The following PAM variants were observed in gnomAD, a reference collection of about 807,000 sequenced individuals.
The protein encoded by PAM is peptidyl-glycine alpha-amidating monooxygenase.
PAM carries 72 observed loss-of-function variants against 122.1 expected under a neutral mutation model. The observed-to-expected ratio is 0.59, with a 90% confidence interval of 0.49 to 0.72. PAM has a LOEUF of 0.72. Ranked by LOEUF, PAM falls within the 30% of genes least tolerant of loss-of-function variation. The probability of loss-of-function intolerance (pLI) is 0.00; values close to 1 mark genes in which losing one functional copy is unlikely to be tolerated. For synonymous variants in PAM, 389 were observed against 404.4 expected, an observed-to-expected ratio of 0.96 and a Z score of 0.46; for missense variants, 1,106 against 1,183.7, an observed-to-expected ratio of 0.93 and a Z score of 0.96.
At chr5:102,994,761 T>C (rs1775161149) in intron 16 of PAM, among the ~76,000 whole-genome samples, 2 of 152,178 alleles carry the variant, frequency 1.3e-5, no homozygotes, top group South Asian at 4.1e-4. Flanking sequence ...CTTTATTACA[T>C]TTAGCATTGT....
At chr5:102,999,030 A>AAG in intron 16 of PAM, among the ~76,000 whole-genome samples, 1 of 152,344 alleles carries the variant, frequency 6.6e-6, no homozygotes, top group Non-Finnish European at 1.5e-5. Context: ...CGTCCTTCAC[A>AAG]TGATGGCAGG....
At chr5:102,850,250 G>A (rs1486291890) in intron 1 of PAM, among the ~76,000 whole-genome samples, 1 of 152,156 alleles carries the variant, frequency 6.6e-6, no homozygotes. Context: ...TCTGAACTGA[G>A]GATGTTTTTT....
At chr5:102,757,195 C>T (rs1424027965) in intron 1 of PAM, among the ~76,000 whole-genome samples, 1 of 152,136 alleles carries the variant, frequency 6.6e-6, no homozygotes, top group African/African-American at 2.4e-5. Context: ...GGCATAGTGG[C>T]AGGCACCTGT....
intron 1 of PAM, among the ~76,000 whole-genome samples, chr5:102,863,765 A>G (rs546160029): frequency 8.6e-5 from 13 of 151,322 alleles, no homozygotes; most frequent in African/African-American, 3.1e-4. Context: ...GAATTATAAA[A>G]AAAATAAAAT....
intron 1 of PAM, chr5:102,865,424 C>A (rs957049977): frequency 3.9e-5 from 6 of 152,082 alleles, no homozygotes; most frequent in African/African-American, 1.5e-4. Context: ...TTTTTCCTTG[C>A]GCCTTAGCCG....
At chr5:102,839,610 T>A (rs1778045023) in intron 1 of PAM, among the ~76,000 whole-genome samples, 1 of 151,954 alleles carries the variant, frequency 6.6e-6, no homozygotes, top group Non-Finnish European at 1.5e-5. Flanking sequence ...TTTCTGTCTT[T>A]AAATCACAGA....
intron 1 of PAM, among the ~76,000 whole-genome samples, chr5:102,778,751 C>T (rs1362519234): frequency 1.3e-5 from 2 of 152,034 alleles, no homozygotes; most frequent in South Asian, 2.1e-4. Flanking sequence ...ACCAAATGAA[C>T]GAAGCTTAGT....
At chr5:102,978,890 A>C (rs377465584) in intron 15 of PAM, among the ~76,000 whole-genome samples, 1 of 152,040 alleles carries the variant, frequency 6.6e-6, no homozygotes, top group African/African-American at 2.4e-5. Flanking sequence ...AGTGTTTTAG[A>C]TGCATTGATT....
intron 20 of PAM, among the ~76,000 whole-genome samples, chr5:103,008,747 C>T (rs976420150): frequency 2.6e-5 from 4 of 152,092 alleles, no homozygotes; most frequent in Non-Finnish European, 5.9e-5. Flanking sequence ...TCACAACTAT[C>T]ATTCTTTAGG....
intron 7 of PAM, among the ~76,000 whole-genome samples, chr5:102,932,506 G>GTATA (rs766769285): frequency 1.4e-5 from 2 of 145,714 alleles, no homozygotes; most frequent in African/African-American, 5.1e-5. Context: ...ATAAATAAAT[G>GTATA]TATATATATA....
intron 15 of PAM, among the ~76,000 whole-genome samples, chr5:102,982,787 G>A (rs986878658): frequency 2.6e-5 from 4 of 152,030 alleles, no homozygotes; most frequent in African/African-American, 9.7e-5. Flanking sequence ...ACATATAGAG[G>A]TATCAATGTA....
intron 3 of PAM, among the ~76,000 whole-genome samples, chr5:102,890,645 T>C (rs1308232577): frequency 2.0e-5 from 3 of 151,920 alleles, no homozygotes; most frequent in Non-Finnish European, 4.4e-5. Flanking sequence ...AATTTAATTG[T>C]ACTTACCATG....
At chr5:103,000,683 T>C (rs953967091) in intron 16 of PAM, among the ~76,000 whole-genome samples, 4 of 152,102 alleles carry the variant, frequency 2.6e-5, no homozygotes, top group Non-Finnish European at 4.4e-5. Context: ...GGCAGATTGC[T>C]TCAGAAGGGG....
intron 12 of PAM, among the ~76,000 whole-genome samples, chr5:102,951,148 A>T (rs1488822294): frequency 6.6e-6 from 1 of 151,974 alleles, no homozygotes; most frequent in African/African-American, 2.4e-5. Context: ...TTTTTTCTCA[A>T]GTGCCTTTTT....
At chr5:102,964,862 C>A (rs1355180322) in intron 14 of PAM, among the ~76,000 whole-genome samples, 1 of 151,672 alleles carries the variant, frequency 6.6e-6, no homozygotes, top group Non-Finnish European at 1.5e-5. Flanking sequence ...TTAATGGCTG[C>A]ATAATACGTG....
intron 1 of PAM, among the ~76,000 whole-genome samples, chr5:102,795,956 T>A (rs1763278510): frequency 6.6e-6 from 1 of 152,096 alleles, no homozygotes; most frequent in South Asian, 2.1e-4. Flanking sequence ...CATGAGTTAT[T>A]TTTTTTAGTT....
chr5:102,841,464 G>T (rs1237365883), intron 1 of PAM, among the ~76,000 whole-genome samples: 1 of 150,288 alleles, frequency 6.7e-6, no homozygotes, highest in Non-Finnish European at 1.5e-5. Context: ...ATCAGAACAT[G>T]TGCAGTCTGC....
chr5:102,885,587 T>G (rs140368421), intron 3 of PAM, among the ~76,000 whole-genome samples: 2 of 151,944 alleles, frequency 1.3e-5, no homozygotes, highest in Admixed American at 6.6e-5. Context: ...ACAAATAGTC[T>G]CTATATTTTT....
At chr5:102,758,646 A>G (rs576695131) in intron 1 of PAM, among the ~76,000 whole-genome samples, 17 of 152,326 alleles carry the variant, frequency 1.1e-4, no homozygotes, top group African/African-American at 3.8e-4. Flanking sequence ...TGTGTTGTGG[A>G]GAATAAGGCC....
Sources: allele counts gnomAD v4.1 joint callset (sites outside exome capture counted in the v4.1 genomes callset), GRCh38; gene constraint gnomAD v4.1.1; transcripts MANE v1.5; gene names NCBI Gene and HGNC (gene_info 2026-07-23, HGNC 2026-07-21).